The following COL6A1 variants were observed in gnomAD, a reference collection of about 807,000 sequenced individuals.
COL6A1 encodes collagen alpha-1(VI) chain.
A neutral mutation model predicts 145.6 loss-of-function variants in COL6A1; 80 were observed. That is an observed-to-expected ratio of 0.55 (90% CI 0.46 to 0.66). COL6A1 has a LOEUF of 0.66. Ranked by LOEUF, COL6A1 falls within the 30% of genes least tolerant of loss-of-function variation. The pLI, the probability that COL6A1 is intolerant of heterozygous loss-of-function variation, is 0.00. For synonymous variants in COL6A1, 638 were observed against 622.8 expected (o/e 1.02, Z -0.36); for missense variants, 1,364 against 1,473.8 (o/e 0.93, Z 1.22).
rs757230924 is a variant in COL6A1 at position 45,987,644 on chromosome 21, C to T, written c.794C>T (p.Pro265Leu). ...ARGPPGLRGD[P>L]GFEGERGKPG... ...GGACCTCCGGGGCTCCGGGGCGACC[C>T]CGGCTTTGAGGTGAGTGGTGACTCC... The change falls in exon 8 of 35, where the codon CCC becomes CTC. Residue 265 changes from proline to leucine, a missense_variant. This residue lies in a region of COL6A1 where 414 missense variants were observed against 437.6 expected (regional missense o/e 0.95). Coordinates refer to ENST00000361866, the MANE Select transcript of COL6A1 (RefSeq NM_001848.3). The T allele has an allele frequency of 1.7e-5, 28 of 1,610,144 alleles. No individual in the cohort carries two copies. The Admixed American group carries it at 4.7e-4, about 27-fold the overall frequency.
At chr21:46,002,433 C>A in intron 32 of COL6A1, 32 bp downstream of exon 32, 3 of 1,612,016 alleles carry the variant, frequency 1.9e-6, no homozygotes, top group Non-Finnish European at 2.5e-6. Context: ...TGCACCTGCC[C>A]CGCCTAGGGC....
intron 3 of COL6A1, among the ~76,000 whole-genome samples, chr21:45,985,435 AGAGAGACT>A (rs745856084): frequency 9.9e-5 from 15 of 152,242 alleles, no homozygotes; most frequent in African/African-American, 3.1e-4. Context: ...AAACAGAGGC[AGAGAGACT>A]GAGAGACTGA....
chr21:46,000,297 T>TATGG, intron 27 of COL6A1, 34 bp from the exon 28 acceptor site: 1 of 1,613,498 alleles, frequency 6.2e-7, no homozygotes, highest in South Asian at 1.1e-5. Context: ...AGGGGCTGTC[T>TATGG]ATGGCCCCAG....
intron 6 of COL6A1, 75 bp from the exon 7 acceptor site, chr21:45,987,424 T>A: frequency 6.3e-7 from 1 of 1,596,702 alleles, no homozygotes; most frequent in Non-Finnish European, 8.6e-7. Context: ...TGTGCCTGGG[T>A]CGCATGTCAC....
Position 45,987,054 on chromosome 21 carries a change from C to T in COL6A1, c.699C>T (p.Asp233=), listed in dbSNP as rs2123466761. The part of the protein sequence containing the change: ...DAEEAISQTI[D]TIVDMIKNNV... ...AGGAGGCCATCAGCCAGACCATCGA[C>T]ACCATCGTGGACATGATCGTGAGGC... Residue 233 remains aspartate, a synonymous_variant, in exon 5 of 35, where the codon GAC becomes GAT. Coordinates refer to ENST00000361866, the MANE Select transcript of COL6A1 (RefSeq NM_001848.3). 1.9e-6 allele frequency: 3 copies of T among 1,554,654 alleles called. No homozygotes were observed. Among genetic ancestry groups the T allele is most frequent in the Non-Finnish European group, 2.6e-6 (3 of 1,149,456 alleles).
chr21:45,995,183 C>G (rs913397818), intron 20 of COL6A1, among the ~76,000 whole-genome samples: 1 of 152,238 alleles, frequency 6.6e-6, no homozygotes, highest in African/African-American at 2.4e-5. Context: ...CAGGGCTTGG[C>G]AGGCGGGGTC....
chr21:45,985,003 CAGAT>C (rs910951586), intron 3 of COL6A1, among the ~76,000 whole-genome samples: 9 of 148,744 alleles, frequency 6.1e-5, no homozygotes, highest in Admixed American at 2.7e-4. Context: ...GAGACAGAGA[CAGAT>C]AGAAAAAGAC....
At chr21:45,984,563 T>C in intron 3 of COL6A1, 94 bp downstream of exon 3, 2 of 1,205,686 alleles carry the variant, frequency 1.7e-6, no homozygotes, top group Non-Finnish European at 2.4e-6. Flanking sequence ...CGGCTTCAGC[T>C]GCAGCCTCCC....
chr21:46,001,179 C>T (rs1183193645), intron 29 of COL6A1, 74 bp from the exon 30 acceptor site: 1 of 1,570,768 alleles, frequency 6.4e-7, no homozygotes, highest in Non-Finnish European at 8.6e-7. Flanking sequence ...AAGGAGGGGC[C>T]AGGGCGGTGG....
chr21:46,000,572 G>A (rs986414795), intron 28 of COL6A1, among the ~76,000 whole-genome samples, 187 bp from the exon 29 acceptor site: 11 of 152,128 alleles, frequency 7.2e-5, no homozygotes, highest in African/African-American at 2.7e-4. Flanking sequence ...CCGGTGCGGT[G>A]CAGAGCTGCC....
In COL6A1 at chr21:45,982,622, A is replaced by T; in HGVS notation, c.98-12A>T. ...GAGAGCTTGAAGGCCCCTCTCCTCC[A>T]TCTTCGGCCAGACTGCCCCGTGGAC... is the stretch of plus-strand genomic sequence containing the variant. On this transcript the variant is annotated splice_polypyrimidine_tract_variant and intron_variant, in intron 1 of 34. Coordinates refer to ENST00000361866, the MANE Select transcript of COL6A1 (RefSeq NM_001848.3). 1.2e-6 allele frequency: 2 copies of T among 1,612,770 alleles called. No homozygotes were observed. The highest frequency in any genetic ancestry group is 1.7e-6 in the Non-Finnish European group (2 of 1,179,936).
intron 20 of COL6A1, among the ~76,000 whole-genome samples, chr21:45,996,038 T>C (rs2077803040): frequency 6.6e-6 from 1 of 152,232 alleles, no homozygotes; most frequent in African/African-American, 2.4e-5. Context: ...CCAGAAGCAG[T>C]TGGGCCCTCA....
At chr21:45,989,541 G>A in intron 9 of COL6A1, 67 bp from the exon 10 acceptor site, 1 of 1,518,228 alleles carries the variant, frequency 6.6e-7, no homozygotes, top group Non-Finnish European at 9.1e-7. Flanking sequence ...GGGGTGTGGG[G>A]CTGGGTGGGA....
At chr21:45,997,616 C>G in intron 21 of COL6A1, 84 bp from the exon 22 acceptor site, 1 of 1,544,946 alleles carries the variant, frequency 6.5e-7, no homozygotes, top group Non-Finnish European at 8.8e-7. Context: ...CCGATGGGAC[C>G]TCTCCCGGCC....
At chr21:45,998,458 G>A in intron 24 of COL6A1, 25 bp downstream of exon 24, 1 of 1,613,144 alleles carries the variant, frequency 6.2e-7, no homozygotes, top group Non-Finnish European at 8.5e-7. Flanking sequence ...TCCTCCATCT[G>A]GCTGTGGGCA....
chr21:45,984,353 G>A lies in COL6A1; in HGVS notation c.312G>A (p.Thr104=), dbSNP rs1364102125. 6 of 1,612,474 alleles carry A rather than the reference G, an allele frequency of 3.7e-6. No individual in the cohort carries two copies. The highest frequency in any genetic ancestry group is 2.7e-5 in the African/African-American group (2 of 74,936). ...SDEVEIIQGL[T]RMPGGRDALK... ...AGGTGGAGATCATCCAAGGCCTCAC[G>A]CGCATGCCTGGCGGCCGCGACGCAC... Residue 104 remains threonine, a synonymous_variant, in exon 3 of 35, where the codon ACG becomes ACA. Transcript: ENST00000361866.
chr21:45,984,987 CAG>C (rs549540669), intron 3 of COL6A1, among the ~76,000 whole-genome samples: 11 of 146,754 alleles, frequency 7.5e-5, no homozygotes, highest in South Asian at 6.6e-4. Flanking sequence ...CAGAGGGAAA[CAG>C]AGAGAGACAG....
At chr21:46,003,019 C>T in intron 33 of COL6A1, 101 bp from the exon 34 acceptor site, 2 of 1,561,600 alleles carry the variant, frequency 1.3e-6, no homozygotes, top group Non-Finnish European at 8.8e-7. Context: ...CTTCCGGGGG[C>T]ACGGCCACCC....
chr21:45,992,042 A>G lies in COL6A1; in HGVS notation c.1152A>G (p.Arg384=), dbSNP rs1243481266. 6.2e-7 allele frequency: 1 copy of G among 1,607,314 alleles called. No homozygotes were observed. Among genetic ancestry groups the G allele is most frequent in the South Asian group, 1.1e-5 (1 of 90,178 alleles). Residue 384 remains arginine, a synonymous_variant, in exon 16 of 35, where the codon AGA becomes AGG. Transcript: ENST00000361866. ...CTGGAGCTGACGGGGAGGCGGGGAGACCAGGGAGCTCGGGACCATCTGGAG... is the reference window on the plus strand; with the variant it reads ...CTGGAGCTGACGGGGAGGCGGGGAGGCCAGGGAGCTCGGGACCATCTGGAG... ...GEPGADGEAG[R]PGSSGPSGDE...
Sources: allele counts gnomAD v4.1 joint callset (sites outside exome capture counted in the v4.1 genomes callset), GRCh38; gene constraint gnomAD v4.1.1; regional missense constraint gnomAD v4.1.1; transcripts MANE v1.5; gene names NCBI Gene and HGNC (gene_info 2026-07-23, HGNC 2026-07-21).